Variants in GTPBP6 observed in about 807,000 individuals in gnomAD.
GTPBP6 encodes putative GTP-binding protein 6.
In GTPBP6, 33 loss-of-function variants were observed where a neutral mutation model predicts 28.9. The ratio of observed to expected loss-of-function variants is 1.14; its 90% confidence interval spans 0.87 to 1.53. The LOEUF (loss-of-function observed/expected upper bound fraction) is 1.53, where lower values mean the gene tolerates loss of function less well. Among genes scored for constraint, GTPBP6 ranks in the 40% most tolerant of loss-of-function variants. GTPBP6 has a pLI of 0.00. For missense variants in GTPBP6, 507 were observed against 408.3 expected (o/e 1.24, Z -2.08); for synonymous variants, 231 against 192.7 (o/e 1.20, Z -1.65).
intron 9 of GTPBP6, 41 bp downstream of exon 9, chrX:307,319 C>G (rs2070191290): frequency 2.5e-6 from 4 of 1,598,054 alleles, no homozygotes; most frequent in Non-Finnish European, 3.4e-6. Context: ...AGACAGGCAT[C>G]CAAAGCACCA....
intron 7 of GTPBP6, among the ~76,000 whole-genome samples, chrX:310,102 A>C (rs1457500794): frequency 8.0e-6 from 1 of 125,102 alleles, no homozygotes; most frequent in Non-Finnish European, 1.7e-5. Context: ...AAGTGAACTG[A>C]ACTGTGGCCC....
At chrX:311,175 C>T (rs1006489163) in intron 7 of GTPBP6, among the ~76,000 whole-genome samples, 4 of 75,112 alleles carry the variant, frequency 5.3e-5, no homozygotes, top group East Asian at 4.7e-4. Context: ...GTTGTTGTTC[C>T]GGCCCCGAGT....
rs1222108776 is a variant in GTPBP6 at position 316,266 on chromosome X, G to GAC, written c.487+646_487+647dup. 5.4e-4 allele frequency among the ~76,000 whole-genome samples: 13 copies of GAC among 24,278 alleles called. 4 individuals carry two copies. The highest frequency in any genetic ancestry group is 1.2e-3 in the Non-Finnish European group (13 of 11,278). 15.9% of individuals were successfully genotyped at this position (24,278 alleles called of 152,430 possible). ...ACATACACACGCAGACACACACACA[G>GAC]ACACACACACAGTAAATACATCCCG... On this transcript the variant is annotated intron_variant, in intron 2 of 9. Coordinates refer to ENST00000326153, the Ensembl canonical transcript of GTPBP6.
At chrX:312,866 C>T (rs760477891) in exon 6 of GTPBP6, 5 of 1,612,740 alleles carry the variant, frequency 3.1e-6, no homozygotes, top group Non-Finnish European at 4.2e-6. Context: ...CCAAGGCCTT[C>T]CTGATCTTGG....
At chrX:306,514 CAG>C (rs1202476908) in intron 9 of GTPBP6, among the ~76,000 whole-genome samples, 4 of 142,976 alleles carry the variant, frequency 2.8e-5, no homozygotes, top group Admixed American at 6.8e-5. Context: ...TATGCACAGT[CAG>C]AAATGTACAT....
chrX:317,805 G>GC (rs2070468046), intron 1 of GTPBP6, among the ~76,000 whole-genome samples: 2 of 141,998 alleles, frequency 1.4e-5, no homozygotes, highest in Non-Finnish European at 3.1e-5. Flanking sequence ...TACCCCATAG[G>GC]CCCCTCCCCC....
At chrX:314,440 G>A (rs2070386562) in intron 4 of GTPBP6, among the ~76,000 whole-genome samples, 2 of 152,086 alleles carry the variant, frequency 1.3e-5, no homozygotes, top group South Asian at 2.1e-4. Flanking sequence ...TGGGGGCAAC[G>A]GGCCCCGGAG....
At chrX:311,616 G>A (rs367673150) in exon 7 of GTPBP6, 1 of 1,611,738 alleles carries the variant, frequency 6.2e-7, no homozygotes, top group African/African-American at 1.3e-5. Flanking sequence ...GCCTTGATCA[G>A]CGTGGTCTTT....
At chrX:306,819 C>T (rs2070177556) in intron 9 of GTPBP6, among the ~76,000 whole-genome samples, 1 of 149,182 alleles carries the variant, frequency 6.7e-6, no homozygotes, top group African/African-American at 2.5e-5. Context: ...CTGTTGTATC[C>T]ACAGTCAGAA....
chrX:306,726 G>A (rs1250654578), intron 9 of GTPBP6, among the ~76,000 whole-genome samples: 1 of 144,642 alleles, frequency 6.9e-6, no homozygotes, highest in Non-Finnish European at 1.5e-5. Flanking sequence ...GCACAGAAAT[G>A]TACATTTTGG....
At chrX:315,172 CCCT>C (rs1234165416) in intron 3 of GTPBP6, 54 bp downstream of exon 3, 5 of 345,326 alleles carry the variant, frequency 1.4e-5, no homozygotes, top group African/African-American at 6.8e-5. Context: ...CCGTGGCGTC[CCCT>C]CCTTCATCGC....
intron 5 of GTPBP6, 133 bp from the exon 6 acceptor site, chrX:313,057 C>T: frequency 1.4e-6 from 1 of 702,066 alleles, no homozygotes; most frequent in Non-Finnish European, 2.4e-6. Context: ...CTGCTTTCCC[C>T]AGCAGCGGCC....
In GTPBP6 at chrX:311,644, G is replaced by T. The variant is rs371887485; in HGVS notation, c.917-17C>A. The T allele has an allele frequency of 6.3e-6, 10 of 1,598,200 alleles. No homozygotes were observed. The highest frequency in any genetic ancestry group is 8.6e-6 in the Non-Finnish European group (10 of 1,167,440). Reference sequence around the variant, plus strand: ...TGGTCTTTCCTAGGAGGGCGTGGAGGTCAGGGCGCTGCAGAGATCCCTGCG... The same window carrying T: ...TGGTCTTTCCTAGGAGGGCGTGGAGTTCAGGGCGCTGCAGAGATCCCTGCG... On this transcript the variant is annotated splice_polypyrimidine_tract_variant and intron_variant, in intron 6 of 9. Coordinates refer to ENST00000326153, the Ensembl canonical transcript of GTPBP6.
chrX:308,817 C>T (rs1383007983), intron 7 of GTPBP6, among the ~76,000 whole-genome samples: 1 of 148,602 alleles, frequency 6.7e-6, no homozygotes, highest in Non-Finnish European at 1.5e-5. Context: ...TCACTGCAAG[C>T]TCCGCCTCCC....
chrX:307,718 A>AG lies in GTPBP6; in HGVS notation c.1274+13dup. On this transcript the variant is annotated intron_variant, in intron 8 of 9. Coordinates refer to ENST00000326153, the Ensembl canonical transcript of GTPBP6. Reference sequence around the variant, plus strand: ...GGGGAAGGAGACGCTTGCGGACCCCAGGGCCGGACTCACCCGGGCACGAGG... The same window carrying AG: ...GGGGAAGGAGACGCTTGCGGACCCCAGGGGCCGGACTCACCCGGGCACGAGG... 6.8e-7 allele frequency: 1 copy of AG among 1,466,260 alleles called. No homozygotes were observed. The highest frequency in any genetic ancestry group is 9.0e-7 in the Non-Finnish European group (1 of 1,107,706). 90.8% of individuals were successfully genotyped at this position (1,466,260 alleles called of 1,614,324 possible).
At chrX:306,854 G>C (rs1219106547) in intron 9 of GTPBP6, among the ~76,000 whole-genome samples, 201 of 142,138 alleles carry the variant, frequency 1.4e-3, no homozygotes, top group Non-Finnish European at 2.1e-3. Context: ...TGTCAGCACA[G>C]ATTAGGCACC....
intron 2 of GTPBP6, among the ~76,000 whole-genome samples, 179 bp from the exon 3 acceptor site, chrX:315,478 G>A (rs1313344479): frequency 6.6e-6 from 1 of 151,122 alleles, no homozygotes; most frequent in African/African-American, 2.4e-5. Flanking sequence ...GTGTCTCTAG[G>A]AGTGTGTGTC....
chrX:317,047 C>G (rs1231418243), exon 2 of GTPBP6: 5 of 398,562 alleles, frequency 1.3e-5, no homozygotes, highest in Non-Finnish European at 1.8e-5. Flanking sequence ...CCACCTGCCA[C>G]TCGGCTGCGG....
chrX:313,089 G>A (rs1037586547), intron 5 of GTPBP6, among the ~76,000 whole-genome samples, 165 bp from the exon 6 acceptor site: 1 of 152,246 alleles, frequency 6.6e-6, no homozygotes, highest in Non-Finnish European at 1.5e-5. Context: ...TGTTCCATGA[G>A]AAAGGGCTCT....
Sources: allele counts gnomAD v4.1 joint callset (sites outside exome capture counted in the v4.1 genomes callset), GRCh38; gene constraint gnomAD v4.1.1; transcripts MANE v1.5; gene names NCBI Gene and HGNC (gene_info 2026-07-23, HGNC 2026-07-21).